Variants in SH2B1 observed in about 807,000 individuals in gnomAD.
SH2B1 encodes the protein SH2B adapter protein 1.
SH2B1 carries 15 observed loss-of-function variants against 62.6 expected under a neutral mutation model. The observed-to-expected ratio is 0.24, with a 90% CI of 0.16 to 0.37. SH2B1 has a LOEUF of 0.37. SH2B1 is among the 10% of genes least tolerant of loss of function. SH2B1 has a pLI of 1.00. For synonymous variants in SH2B1, 443 were observed against 438.0 expected, an observed-to-expected ratio of 1.01 and a Z score of -0.14; for missense variants, 925 against 1,015.6, an observed-to-expected ratio of 0.91 and a Z score of 1.21.
At position 28,865,248 on chromosome 16, in the gene SH2B1, G is replaced by A. The variant is rs1567465830; in HGVS notation, c.-847G>A. 1.7e-5 allele frequency: 17 copies of A among 985,540 alleles called. No individual in the cohort carries two copies. Among genetic ancestry groups the A allele is most frequent in the Non-Finnish European group, 1.9e-5 (16 of 829,974 alleles). The allele number at this position is 985,540 out of a possible 1,614,324, so 61.0% of individuals were successfully genotyped here. A position where few individuals can be genotyped will look rare whatever the true frequency, so the allele number is the denominator to read the frequency against. The stretch of plus-strand genomic sequence containing the variant: ...CCCCTGCGGCCTCTGGCCCCAGACT[G>A]AAGGGATACCAAAGAAGTGGGCTGT... On this transcript the variant is annotated 5_prime_UTR_variant, in exon 1 of 8. Coordinates refer to ENST00000684370, the MANE Select transcript of SH2B1 (RefSeq NM_001387430.1).
In SH2B1 at chr16:28,866,294, G is replaced by C; in HGVS notation, c.200G>C (p.Arg67Pro). ...GPGAEAAFSRRFAELFLQHFE... is the reference protein window; with the variant it reads ...GPGAEAAFSRPFAELFLQHFE... ...GGGGCCGAGGCTGCCTTCTCCCGCCGTTTTGCTGAGCTCTTCCTGCAGCAC... is the reference window on the plus strand; with the variant it reads ...GGGGCCGAGGCTGCCTTCTCCCGCCCTTTTGCTGAGCTCTTCCTGCAGCAC... Residue 67 changes from arginine to proline, a missense_variant, in exon 1 of 8, where the codon CGT (arginine) becomes CCT (proline). Physicochemically the swap from Arg to Pro is moderately radical, Grantham distance 103 (BLOSUM62 -2). Coordinates refer to ENST00000684370, the MANE Select transcript of SH2B1 (RefSeq NM_001387430.1). The surrounding 1 kb of genome is among the most constrained non-coding windows in gnomAD (Gnocchi z 6.3). 1 of 1,610,762 alleles carries C rather than the reference G, an allele frequency of 6.2e-7. No individual in the cohort carries two copies. The highest frequency in any genetic ancestry group is 8.5e-7 in the Non-Finnish European group (1 of 1,179,246).
At chr16:28,856,106 A>C (rs560332080) in intron 1 of SH2B1, among the ~76,000 whole-genome samples, 1 of 95,574 alleles carries the variant, frequency 1.0e-5, no homozygotes, top group East Asian at 2.9e-4. Flanking sequence ...CTGTACTAAA[A>C]ATACAAAAAA....
chr16:28,871,171 C>T (rs549722036), intron 4 of SH2B1, among the ~76,000 whole-genome samples: 1 of 152,290 alleles, frequency 6.6e-6, no homozygotes, highest in African/African-American at 2.4e-5. Flanking sequence ...GTGTGCACCA[C>T]TACGTCCAGC....
chr16:28,864,741 C>T lies in SH2B1; in HGVS notation c.-1354C>T. 2.4e-6 allele frequency: 2 copies of T among 832,576 alleles called. No individual in the cohort carries two copies. The highest frequency in any genetic ancestry group is 5.5e-5 in the South Asian group (1 of 18,212). The allele number at this position is 832,576 out of a possible 1,614,324, so 51.6% of individuals were successfully genotyped here. A position where few individuals can be genotyped will look rare whatever the true frequency, so the allele number is the denominator to read the frequency against. On this transcript the variant is annotated 5_prime_UTR_variant, in exon 1 of 8. Coordinates refer to ENST00000684370, the MANE Select transcript of SH2B1 (RefSeq NM_001387430.1). ...TTGTAAATTCCACACCCAGCTCTGC[C>T]ACTTTCTAGTTGTAAGACCTTGAGA... is the stretch of plus-strand genomic sequence containing the variant.
rs939458057 is a variant in SH2B1, at chr16:28,864,407, G to A, written c.-1688G>A. The A allele has an allele frequency of 3.0e-6, 3 of 986,934 alleles. No individual in the cohort carries two copies. The African/African-American group carries it at 5.2e-5, about 17-fold the overall frequency. The allele number at this position is 986,934 out of a possible 1,614,324, so 61.1% of individuals were successfully genotyped here. ...GATTGGGTGGGCCTGTGTGAGCCGA[G>A]GTGGCCGCTGGCTGGAGATTGGTTT... On this transcript the variant is annotated 5_prime_UTR_variant, in exon 1 of 8. Coordinates refer to ENST00000684370, the MANE Select transcript of SH2B1 (RefSeq NM_001387430.1).
At chr16:28,852,735 CA>C (rs1371923050) in intron 1 of SH2B1, among the ~76,000 whole-genome samples, 1 of 30,476 alleles carries the variant, frequency 3.3e-5, no homozygotes, top group Non-Finnish European at 6.2e-5. Context: ...TATATATATA[CA>C]TATATATATT....
intron 1 of SH2B1, among the ~76,000 whole-genome samples, chr16:28,853,815 C>G (rs537513755): frequency 6.6e-6 from 1 of 150,916 alleles, no homozygotes; most frequent in Admixed American, 6.6e-5. Context: ...CTGGCTAACA[C>G]GGTGAAACCC....
At chr16:28,870,403 C>T (rs1308846263) in intron 4 of SH2B1, among the ~76,000 whole-genome samples, 4 of 152,068 alleles carry the variant, frequency 2.6e-5, no homozygotes, top group African/African-American at 9.7e-5. Flanking sequence ...GACTGCGACG[C>T]CGAGGAGAGG....
At chr16:28,860,598 G>A (rs1596615780), upstream of SH2B1, among the ~76,000 whole-genome samples, 1 of 152,022 alleles carries the variant, frequency 6.6e-6, no homozygotes, top group East Asian at 1.9e-4. Context: ...TTTGGCCTCT[G>A]CTGAAACTAC....
rs766836953 is a variant in SH2B1 at position 28,866,466 on chromosome 16, A to T, written c.372A>T (p.Arg124=). 6.2e-6 allele frequency: 10 copies of T among 1,613,780 alleles called. No individual in the cohort carries two copies. Among genetic ancestry groups the T allele is most frequent in the Admixed American group, 5.0e-5 (3 of 60,004 alleles). ...CCCTGGCTGTGCTGGGCCCTTCTCGATCATCTGAGGACCTGGCCGGCCCCC... is the reference window on the plus strand; with the variant it reads ...CCCTGGCTGTGCTGGGCCCTTCTCGTTCATCTGAGGACCTGGCCGGCCCCC... ...GGPLAVLGPS[R]SSEDLAGPLP... Residue 124 remains arginine (R), a synonymous_variant, in exon 1 of 8, where the codon CGA becomes CGT. Coordinates refer to ENST00000684370, the MANE Select transcript of SH2B1 (RefSeq NM_001387430.1). This position sits in a 1 kb window ranked among gnomAD's most constrained non-coding sequence, Gnocchi z 6.3.
Position 28,873,804 on chromosome 16 carries a change from A to T in SH2B1, c.2255A>T (p.Gln752Leu). ...EGGHPRAINN[Q>L]YSFV ...GGCCACCCCAGGGCCATTAACAACC[A>T]GTACTCCTTCGTGTGAGCCAACCCC... The change falls in exon 8 of 8, where the codon CAG becomes CTG. Residue 752 changes from glutamine to leucine, a missense_variant. Gln to Leu is a moderately radical substitution (Grantham distance 113). Transcript: ENST00000684370. This position sits in a 1 kb window ranked among gnomAD's most constrained non-coding sequence, Gnocchi z 4.2. 2.1e-6 allele frequency: 3 copies of T among 1,449,112 alleles called. No homozygotes were observed. The highest frequency in any genetic ancestry group is 3.0e-5 in the South Asian group (2 of 67,338). The allele number at this position is 1,449,112 out of a possible 1,614,324, so 89.8% of individuals were successfully genotyped here.
chr16:28,873,324 G>A lies in SH2B1; in HGVS notation c.1898-123G>A, dbSNP rs1963152477. 1.3e-6 allele frequency: 2 copies of A among 1,591,808 alleles called. No individual in the cohort carries two copies. The highest frequency in any genetic ancestry group is 1.7e-6 in the Non-Finnish European group (2 of 1,168,526). Reference sequence around the variant, plus strand: ...CATGATCCATCTTCCATGGATGGGGGGTTGCTCAGGAGATGGGATGTGGGG... The same window carrying A: ...CATGATCCATCTTCCATGGATGGGGAGTTGCTCAGGAGATGGGATGTGGGG... On this transcript the variant is annotated intron_variant, in intron 7 of 7. Coordinates refer to ENST00000684370, the MANE Select transcript of SH2B1 (RefSeq NM_001387430.1). The surrounding 1 kb of genome is among the most constrained non-coding windows in gnomAD (Gnocchi z 4.2).
In SH2B1 at chr16:28,852,822, ATATATT is replaced by A. The variant is rs1325056420; in HGVS notation, c.-301+6001_-301+6006del. On this transcript the variant is annotated intron_variant, in intron 1 of 10. Coordinates refer to the SH2B1 transcript ENST00000322610. ...CATATATATTTACATATATTTACAT[ATATATT>A]TATATATATATACATATATATATTT... 9.2e-5 allele frequency among the ~76,000 whole-genome samples: 4 copies of A among 43,532 alleles called. 1 individual carries two copies. Among genetic ancestry groups the A allele is most frequent in the African/African-American group, 1.1e-4 (1 of 9,006 alleles). The allele number at this position is 43,532 out of a possible 152,430, so 28.6% of individuals were successfully genotyped here. A position where few individuals can be genotyped will look rare whatever the true frequency, so the allele number is the denominator to read the frequency against.
Position 28,872,211 on chromosome 16 carries a change from A to G in SH2B1, c.1535A>G (p.Glu512Gly). ...GAAGGGTCCTTCCTGTTCCAGGGGG[A>G]GCCAGAGGGCGGTGAGGGGGACCAG... is the stretch of plus-strand genomic sequence containing the variant. ...TATGSFLFQGEPEGGEGDQPL... is the reference protein window; with the variant it reads ...TATGSFLFQGGPEGGEGDQPL... The change falls in exon 6 of 8, where the codon GAG (glutamate) becomes GGG (glycine). Residue 512 changes from glutamate (E) to glycine (G), a missense_variant. Coordinates refer to ENST00000684370, the MANE Select transcript of SH2B1 (RefSeq NM_001387430.1). This position sits in a 1 kb window ranked among gnomAD's most constrained non-coding sequence, Gnocchi z 5.3. The G allele has an allele frequency of 6.2e-7, 1 of 1,612,930 alleles. No individual in the cohort carries two copies.
Position 28,873,279 on chromosome 16 carries a change from G to T in SH2B1, c.1898-168G>T. 6.2e-7 allele frequency: 1 copy of T among 1,604,988 alleles called. No individual in the cohort carries two copies. Among genetic ancestry groups the T allele is most frequent in the African/African-American group, 1.3e-5 (1 of 74,926 alleles). ...GAGCGAGTGACTGTGTGTAAGTGTG[G>T]TCCTCCTCTCACCACCGCCCATGAT... On this transcript the variant is annotated intron_variant, in intron 7 of 7. Transcript: ENST00000684370. The surrounding 1 kb of genome is among the most constrained non-coding windows in gnomAD (Gnocchi z 4.2).
Position 28,852,394 on chromosome 16 carries a change from A to T in SH2B1, c.-301+5567A>T, listed in dbSNP as rs200277740. Among the ~76,000 whole-genome samples, 142 of 35,378 alleles carry T rather than the reference A, an allele frequency of 4.0e-3. 17 individuals carry two copies. The highest frequency in any genetic ancestry group is 0.011 in the South Asian group (5 of 448). The allele number at this position is 35,378 out of a possible 152,430, so 23.2% of individuals were successfully genotyped here. On this transcript the variant is annotated intron_variant, in intron 1 of 10. Transcript: ENST00000322610. ...TATATTTACATATATTTATATATAT[A>T]CATATATATTTACATATATATTTAT... is the stretch of plus-strand genomic sequence containing the variant.
At chr16:28,861,467 C>G (rs7193274), upstream of SH2B1, among the ~76,000 whole-genome samples, 38,843 of 150,790 alleles carry the variant, frequency 0.26, 5,527 homozygotes, top group South Asian at 0.64. Context: ...GAGTCTCGCT[C>G]TGTCGCCCAG....
Position 28,873,861 on chromosome 16 carries a change from C to CCTG in SH2B1, c.*41_*42insCTG. 1 of 1,397,586 alleles carries CCTG rather than the reference C, an allele frequency of 7.2e-7. No homozygotes were observed. Among genetic ancestry groups the CCTG allele is most frequent in the Non-Finnish European group, 9.3e-7 (1 of 1,079,460 alleles). The allele number at this position is 1,397,586 out of a possible 1,614,324, so 86.6% of individuals were successfully genotyped here. On this transcript the variant is annotated 3_prime_UTR_variant, in exon 8 of 8. Transcript: ENST00000684370. The surrounding 1 kb of genome is among the most constrained non-coding windows in gnomAD (Gnocchi z 4.2). Reference sequence around the variant, plus strand: ...TCCACCCTTTTTAAACCCCCCAGCCCTGCTCGTGAGATTGGGCTGGGTAGG... The same window carrying CCTG: ...TCCACCCTTTTTAAACCCCCCAGCCCCTGTGCTCGTGAGATTGGGCTGGGTAGG...
At chr16:28,848,741 G>A (rs888635303) in intron 1 of SH2B1, among the ~76,000 whole-genome samples, 1 of 145,174 alleles carries the variant, frequency 6.9e-6, no homozygotes, top group Non-Finnish European at 1.5e-5. Flanking sequence ...ACACGATCTC[G>A]GCTCACTGCA....
Sources: allele counts gnomAD v4.1 joint callset (sites outside exome capture counted in the v4.1 genomes callset), GRCh38; gene constraint gnomAD v4.1.1; non-coding constraint Gnocchi (gnomAD v3.1); transcripts MANE v1.5; gene names NCBI Gene and HGNC (gene_info 2026-07-23, HGNC 2026-07-21).